The following CDS1 variants were observed in gnomAD, a reference collection of about 807,000 sequenced individuals.
CDS1 encodes the protein CDP-diacylglycerol synthase 1.
Under a neutral mutation model 62.1 loss-of-function variants are expected in CDS1, and 41 were observed. The ratio of observed to expected loss-of-function variants is 0.66; its 90% CI spans 0.51 to 0.86. The LOEUF (loss-of-function observed/expected upper bound fraction) is 0.86. Among genes scored for constraint, CDS1 ranks in the 40% least tolerant of loss-of-function variants. CDS1 has a pLI of 0.00. For missense variants in CDS1, 470 were observed against 550.1 expected (o/e 0.85, Z 1.46); for synonymous variants, 185 against 192.6 (o/e 0.96, Z 0.32).
intron 1 of CDS1, 106 bp downstream of exon 1, chr4:84,583,624 C>T (rs1392585694): frequency 1.6e-6 from 1 of 630,348 alleles, no homozygotes. Flanking sequence ...GGTGAGGCTG[C>T]ACGCTGCCGG....
At chr4:84,611,349 A>G (rs1723313562) in intron 3 of CDS1, among the ~76,000 whole-genome samples, 1 of 152,028 alleles carries the variant, frequency 6.6e-6, no homozygotes, top group Non-Finnish European at 1.5e-5. Context: ...ATTCCTTTTC[A>G]GTTAATCCAG....
chr4:84,604,408 AG>A (rs1253165706), intron 2 of CDS1, 38 bp downstream of exon 2: 51 of 1,599,916 alleles, frequency 3.2e-5, no homozygotes, highest in Non-Finnish European at 4.3e-5. Context: ...TTAGTGCACA[AG>A]ATAGGCTTTG....
In CDS1 at chr4:84,649,883, C is replaced by A. The variant is rs893940192; in HGVS notation, c.*1197C>A. On this transcript the variant is annotated 3_prime_UTR_variant, in exon 13 of 13. Coordinates refer to ENST00000295887, the MANE Select transcript of CDS1 (RefSeq NM_001263.4). Reference sequence around the variant, plus strand: ...AAAAGCACACGAATGCCAAACCTTTCCTTTGGTGGACTGGACACTAACCAG... The same window carrying A: ...AAAAGCACACGAATGCCAAACCTTTACTTTGGTGGACTGGACACTAACCAG... 1 of 152,126 alleles carries A rather than the reference C, an allele frequency of 6.6e-6. No homozygotes were observed. Among genetic ancestry groups the A allele is most frequent in the Non-Finnish European group, 1.5e-5 (1 of 68,016 alleles). The allele number at this position is 152,126 out of a possible 1,614,324, so 9.4% of individuals were successfully genotyped here.
At chr4:84,599,837 T>G (rs550637154) in intron 1 of CDS1, among the ~76,000 whole-genome samples, 29 of 152,278 alleles carry the variant, frequency 1.9e-4, no homozygotes, top group African/African-American at 6.5e-4. Context: ...AAAGCTACCA[T>G]GAACATTTGT....
In CDS1 at chr4:84,583,220, T is replaced by C. The variant is rs988272432; in HGVS notation, c.-182T>C. On this transcript the variant is annotated 5_prime_UTR_variant, in exon 1 of 13. The change abolishes an upstream ATG in the 5' untranslated region. Transcript: ENST00000295887. ...GCGGCCTCGAGCGCTCTCTCGTTGA[T>C]GCCGTTTTGGAGGTGACCGGCGCGG... The C allele has an allele frequency of 3.9e-6, 2 of 518,768 alleles. No homozygotes were observed. Among genetic ancestry groups the C allele is most frequent in the Non-Finnish European group, 6.8e-6 (2 of 296,064 alleles). The allele number at this position is 518,768 out of a possible 1,614,324, so 32.1% of individuals were successfully genotyped here.
At chr4:84,586,811 A>C (rs1722437195) in intron 1 of CDS1, among the ~76,000 whole-genome samples, 1 of 152,228 alleles carries the variant, frequency 6.6e-6, no homozygotes, top group Admixed American at 6.5e-5. Context: ...AAATGTTGGT[A>C]GTTATTGTTA....
At chr4:84,605,075 T>C (rs989065062) in intron 2 of CDS1, among the ~76,000 whole-genome samples, 3 of 152,216 alleles carry the variant, frequency 2.0e-5, no homozygotes, top group African/African-American at 4.8e-5. Context: ...ATATGAATTA[T>C]AAAATTTATA....
At chr4:84,636,716 G>A (rs1211176226) in intron 8 of CDS1, among the ~76,000 whole-genome samples, 1 of 151,958 alleles carries the variant, frequency 6.6e-6, no homozygotes, top group Non-Finnish European at 1.5e-5. Flanking sequence ...GTAGAGACAG[G>A]GTTTCACCAT....
At chr4:84,609,626 A>C (rs1480035601) in intron 3 of CDS1, 101 bp downstream of exon 3, 1 of 696,600 alleles carries the variant, frequency 1.4e-6, no homozygotes, top group East Asian at 2.5e-5. Flanking sequence ...AGCTAATTCA[A>C]CACTCAGTCA....
intron 8 of CDS1, among the ~76,000 whole-genome samples, chr4:84,638,322 G>A (rs1362014951): frequency 6.6e-6 from 1 of 152,146 alleles, no homozygotes; most frequent in East Asian, 1.9e-4. Context: ...CTTGGAAATG[G>A]ACATAGATTG....
chr4:84,609,605 C>A (rs1050640319), intron 3 of CDS1, 80 bp downstream of exon 3: 4 of 810,206 alleles, frequency 4.9e-6, no homozygotes, highest in Non-Finnish European at 8.3e-6. Flanking sequence ...TTGAGCATAT[C>A]ATAAAAAAGA....
chr4:84,607,812 AT>A (rs1723178541), intron 2 of CDS1, among the ~76,000 whole-genome samples: 1 of 152,194 alleles, frequency 6.6e-6, no homozygotes, highest in African/African-American at 2.4e-5. Flanking sequence ...TTGAATCAAA[AT>A]CTCTTGTAAC....
intron 5 of CDS1, 114 bp from the exon 6 acceptor site, chr4:84,631,705 A>G: frequency 1.3e-6 from 1 of 776,000 alleles, no homozygotes; most frequent in African/African-American, 1.7e-5. Context: ...CATCTGAGTA[A>G]GTAGCTAAAA....
intron 1 of CDS1, among the ~76,000 whole-genome samples, chr4:84,586,434 G>A (rs1236212346): frequency 6.6e-6 from 1 of 152,152 alleles, no homozygotes; most frequent in African/African-American, 2.4e-5. Flanking sequence ...TCAGGCCTTA[G>A]ATTCTCATAA....
chr4:84,610,255 G>A (rs1035741025), intron 3 of CDS1, among the ~76,000 whole-genome samples: 2 of 152,152 alleles, frequency 1.3e-5, no homozygotes, highest in African/African-American at 4.8e-5. Flanking sequence ...CAGTGCCGAA[G>A]CCGAGTCCTG....
chr4:84,624,204 G>C (rs1244696182), intron 5 of CDS1, among the ~76,000 whole-genome samples: 3 of 150,146 alleles, frequency 2.0e-5, no homozygotes, highest in Non-Finnish European at 4.4e-5. Context: ...AACCTGGGTG[G>C]CGGAACTTGC....
At chr4:84,599,685 A>G (rs1195772445) in intron 1 of CDS1, among the ~76,000 whole-genome samples, 1 of 151,994 alleles carries the variant, frequency 6.6e-6, no homozygotes, top group Non-Finnish European at 1.5e-5. Context: ...TTTACTCAGC[A>G]TAATTATTTT....
chr4:84,589,349 A>G (rs1159560122), intron 1 of CDS1, among the ~76,000 whole-genome samples: 1 of 152,176 alleles, frequency 6.6e-6, no homozygotes. Flanking sequence ...TTATTTTGTT[A>G]TTGTAAAAGC....
At position 84,635,332 on chromosome 4, in the gene CDS1, G is replaced by T. The variant is rs1271503140; in HGVS notation, c.791G>T (p.Gly264Val). The T allele has an allele frequency of 3.2e-6, 5 of 1,551,806 alleles. No individual in the cohort carries two copies. The highest frequency in any genetic ancestry group is 2.7e-6 in the Non-Finnish European group (3 of 1,130,292). ...ITAYLFGFFF[G>V]RTPLIKLSPK... is the part of the protein sequence containing the mutation. ...GCTTACCTTTTTGGATTTTTTTTTG[G>T]GAGAACTCCATTAATTAAGGTAATG... The change falls in exon 8 of 13, where the codon GGG becomes GTG. Residue 264 changes from glycine to valine, a missense_variant. Transcript: ENST00000295887.
Sources: gnomAD v4.1 joint callset for allele counts (sites outside exome capture counted in the v4.1 genomes callset) on GRCh38, gnomAD v4.1.1 for gene constraint, MANE v1.5 for transcripts, NCBI Gene and HGNC (gene_info 2026-07-23, HGNC 2026-07-21) for gene names.